The following VAV3 variants were observed in gnomAD, a reference collection of about 807,000 sequenced individuals.
VAV3 encodes the protein guanine nucleotide exchange factor VAV3.
A neutral mutation model predicts 131.2 loss-of-function variants in VAV3; 94 were observed. The ratio of observed to expected loss-of-function variants is 0.72; its 90% CI spans 0.61 to 0.85. The LOEUF is 0.85. Among genes scored for constraint, VAV3 ranks in the 40% least tolerant of loss-of-function variants. The probability of loss-of-function intolerance (pLI) is 0.00; values close to 1 mark genes in which losing one functional copy is unlikely to be tolerated. For missense variants in VAV3, 939 were observed against 1,002.7 expected (o/e 0.94, Z 0.86); for synonymous variants, 349 against 342.0 (o/e 1.02, Z -0.22).
intron 21 of VAV3, among the ~76,000 whole-genome samples, chr1:107,616,565 C>T (rs1001415306): frequency 6.6e-6 from 1 of 152,114 alleles, no homozygotes. Context: ...AATAAACCTG[C>T]ACATGTACCC....
At chr1:107,929,967 T>C (rs1673345075) in intron 1 of VAV3, among the ~76,000 whole-genome samples, 3 of 152,130 alleles carry the variant, frequency 2.0e-5, no homozygotes, top group South Asian at 4.1e-4. Context: ...GTCTCACTTA[T>C]TTGTGGGAGC....
In VAV3 at chr1:107,903,809, G is replaced by A. The variant is rs143025679; in HGVS notation, c.205-28792C>T. Among the ~76,000 whole-genome samples, 292 of 152,226 alleles carry A rather than the reference G, an allele frequency of 1.9e-3. 3 individuals carry two copies. The highest frequency in any genetic ancestry group is 6.9e-3 in the African/African-American group (288 of 41,522). The stretch of plus-strand genomic sequence containing the variant: ...TTTCTGAGAACTGACACCTCCATTT[G>A]TGTAAATAAATTAATCTGCCTCACC... On this transcript the variant is annotated intron_variant, in intron 1 of 26. Coordinates refer to ENST00000370056, the MANE Select transcript of VAV3 (RefSeq NM_006113.5).
At chr1:107,636,982 T>TCAGAAAG (rs1175029413) in intron 20 of VAV3, among the ~76,000 whole-genome samples, 1 of 151,424 alleles carries the variant, frequency 6.6e-6, no homozygotes, top group Non-Finnish European at 1.5e-5. Context: ...AAGAAAGTAA[T>TCAGAAAG]AAAAATCAGA....
chr1:107,664,697 C>A (rs1276185582), intron 19 of VAV3, among the ~76,000 whole-genome samples: 1 of 151,554 alleles, frequency 6.6e-6, no homozygotes, highest in African/African-American at 2.4e-5. Context: ...AGATGTGCAC[C>A]CAGACCATTA....
At chr1:107,586,186 A>C (rs1406323757) in intron 25 of VAV3, among the ~76,000 whole-genome samples, 1 of 151,214 alleles carries the variant, frequency 6.6e-6, no homozygotes, top group Non-Finnish European at 1.5e-5. Flanking sequence ...GTCTAACATA[A>C]TACACTTAAT....
At chr1:107,782,678 CA>C (rs1437437352) in intron 2 of VAV3, among the ~76,000 whole-genome samples, 4 of 152,278 alleles carry the variant, frequency 2.6e-5, no homozygotes. Flanking sequence ...TAAGTTTAGC[CA>C]AAGCAAATAA....
At chr1:107,686,034 T>TGGGGGGGG (rs554715740) in intron 18 of VAV3, 18 of 85,060 alleles carry the variant, frequency 2.1e-4, no homozygotes, top group Non-Finnish European at 2.5e-4. Context: ...GTTGGGGGGG[T>TGGGGGGGG]GGGGGGGGAG....
intron 2 of VAV3, among the ~76,000 whole-genome samples, chr1:107,813,967 AGTGTGTGTGTGTGTGTGT>A (rs58318688): frequency 6.3e-4 from 86 of 135,858 alleles, no homozygotes; most frequent in African/African-American, 2.0e-3. Context: ...ATAGTACTCC[AGTGTGTGTGTGTGTGTGT>A]GTGTGTGTGT....
At chr1:107,870,746 C>G (rs1670215568) in intron 2 of VAV3, among the ~76,000 whole-genome samples, 1 of 152,088 alleles carries the variant, frequency 6.6e-6, no homozygotes, top group Admixed American at 6.6e-5. Context: ...TTTGACGGTG[C>G]CTGTCCTGAA....
chr1:107,650,829 C>A (rs1157818419), intron 19 of VAV3, among the ~76,000 whole-genome samples: 13 of 150,044 alleles, frequency 8.7e-5, no homozygotes, highest in Non-Finnish European at 1.0e-4. Flanking sequence ...TTTGTCCTGG[C>A]GATAGTTTAC....
At chr1:107,959,274 T>A (rs1286388943) in intron 1 of VAV3, among the ~76,000 whole-genome samples, 1 of 120,984 alleles carries the variant, frequency 8.3e-6, no homozygotes, top group Non-Finnish European at 1.6e-5. Flanking sequence ...AATAAATAAA[T>A]TAATTAATTA....
chr1:107,735,951 A>G (rs1310441186), intron 15 of VAV3, among the ~76,000 whole-genome samples: 2 of 152,234 alleles, frequency 1.3e-5, no homozygotes, highest in African/African-American at 4.8e-5. Flanking sequence ...CAATACAAAA[A>G]TCCTCAATAA....
chr1:107,719,780 T>C (rs1340994426), intron 15 of VAV3, among the ~76,000 whole-genome samples: 3 of 152,216 alleles, frequency 2.0e-5, no homozygotes, highest in Admixed American at 1.3e-4. Context: ...TGTGGCACTA[T>C]TCACAACAGC....
At chr1:107,885,317 T>C (rs1429165315) in intron 1 of VAV3, among the ~76,000 whole-genome samples, 1 of 152,128 alleles carries the variant, frequency 6.6e-6, no homozygotes, top group Non-Finnish European at 1.5e-5. Flanking sequence ...TACTGCTATA[T>C]GATATGCTAA....
intron 1 of VAV3, among the ~76,000 whole-genome samples, chr1:107,943,546 C>T (rs1483749952): frequency 6.6e-6 from 1 of 152,098 alleles, no homozygotes; most frequent in Non-Finnish European, 1.5e-5. Flanking sequence ...AGATCGAGAC[C>T]ATCTGGCCAA....
intron 2 of VAV3, chr1:107,785,724 A>C (rs745333545): frequency 2.1e-6 from 2 of 960,584 alleles, no homozygotes; most frequent in Non-Finnish European, 2.5e-6. Context: ...AGAAATTCAG[A>C]CAGAAGCATA....
chr1:107,788,705 C>T (rs1666140531), intron 2 of VAV3, among the ~76,000 whole-genome samples: 1 of 152,132 alleles, frequency 6.6e-6, no homozygotes, highest in South Asian at 2.1e-4. Context: ...AGAAATATTC[C>T]CTGCTCTGCC....
At chr1:107,903,151 T>C (rs1177471679) in intron 1 of VAV3, among the ~76,000 whole-genome samples, 3 of 151,968 alleles carry the variant, frequency 2.0e-5, no homozygotes, top group Admixed American at 2.0e-4. Context: ...AAAAATGAGG[T>C]AGCAGGATAT....
At chr1:107,600,055 T>C (rs1570588941) in intron 24 of VAV3, among the ~76,000 whole-genome samples, 1 of 152,016 alleles carries the variant, frequency 6.6e-6, no homozygotes. Flanking sequence ...TGACCAAGTA[T>C]CCATGTGGCA....
Sources: gnomAD v4.1 joint callset for allele counts (sites outside exome capture counted in the v4.1 genomes callset) on GRCh38, gnomAD v4.1.1 for gene constraint, MANE v1.5 for transcripts, NCBI Gene and HGNC (gene_info 2026-07-23, HGNC 2026-07-21) for gene names.